Variants in CTDSPL2 observed in about 807,000 individuals in gnomAD.
The protein encoded by CTDSPL2 is CTD small phosphatase-like protein 2.
A neutral mutation model predicts 60.0 loss-of-function variants in CTDSPL2; 5 were observed. That is an observed-to-expected ratio of 0.08 (90% CI 0.04 to 0.18). The LOEUF is 0.18. Among genes scored for constraint, CTDSPL2 ranks in the 10% least tolerant of loss-of-function variants. CTDSPL2 has a pLI of 1.00. For synonymous variants in CTDSPL2, 186 were observed against 189.3 expected, an observed-to-expected ratio of 0.98 and a Z score of 0.14; for missense variants, 370 against 548.8, an observed-to-expected ratio of 0.67 and a Z score of 3.26.
chr15:44,505,340 G>A (rs564954575), intron 8 of CTDSPL2, among the ~76,000 whole-genome samples: 3 of 152,064 alleles, frequency 2.0e-5, no homozygotes, highest in Non-Finnish European at 2.9e-5. Context: ...GAAGATCACC[G>A]GAACCCCGAG....
At chr15:44,487,592 A>G (rs1426330325) in intron 4 of CTDSPL2, among the ~76,000 whole-genome samples, 3 of 152,260 alleles carry the variant, frequency 2.0e-5, no homozygotes, top group Non-Finnish European at 4.4e-5. Context: ...TAGAAGGAGC[A>G]GCATGCGTAG....
intron 1 of CTDSPL2, among the ~76,000 whole-genome samples, chr15:44,435,500 C>T (rs1286194038): frequency 1.3e-5 from 2 of 149,402 alleles, no homozygotes; most frequent in East Asian, 2.0e-4. Context: ...ACCCTGGAGG[C>T]GGAGGTTGCA....
chr15:44,487,760 G>C (rs1484423342), intron 4 of CTDSPL2, among the ~76,000 whole-genome samples: 2 of 152,192 alleles, frequency 1.3e-5, no homozygotes, highest in Non-Finnish European at 2.9e-5. Flanking sequence ...TCAAGTATGG[G>C]ATAATTGAAA....
chr15:44,496,812 G>C (rs2081308644), intron 6 of CTDSPL2, among the ~76,000 whole-genome samples: 1 of 152,126 alleles, frequency 6.6e-6, no homozygotes, highest in South Asian at 2.1e-4. Context: ...AGTGACCTGT[G>C]ATAGAGTGAG....
At chr15:44,449,234 A>T (rs1000920972) in intron 1 of CTDSPL2, 1 of 264,084 alleles carries the variant, frequency 3.8e-6, no homozygotes, top group East Asian at 1.1e-4. Context: ...CACTATCAGG[A>T]TCTTTCACTT....
chr15:44,528,394 T>C lies in CTDSPL2; in HGVS notation c.*4220T>C, dbSNP rs1567111623. 1 of 151,764 alleles carries C rather than the reference T, an allele frequency of 6.6e-6. No homozygotes were observed. Among genetic ancestry groups the C allele is most frequent in the Non-Finnish European group, 1.5e-5 (1 of 67,938 alleles). The allele number at this position is 151,764 out of a possible 1,614,324, so 9.4% of individuals were successfully genotyped here. A position where few individuals can be genotyped will look rare whatever the true frequency, so the allele number is the denominator to read the frequency against. ...TTTTGTTTTGTTTTTTCTTTAAAGC[T>C]CTCCTGGTGATTCTAATAGCCAGTA... On this transcript the variant is annotated 3_prime_UTR_variant, in exon 13 of 13. Transcript: ENST00000260327.
intron 8 of CTDSPL2, among the ~76,000 whole-genome samples, chr15:44,501,699 T>TAG (rs1343310583): frequency 3.9e-5 from 6 of 152,156 alleles, no homozygotes; most frequent in African/African-American, 1.4e-4. Flanking sequence ...ACAGAGCAGG[T>TAG]AGTTTGAACC....
At chr15:44,523,066 G>A (rs891863558) in intron 12 of CTDSPL2, among the ~76,000 whole-genome samples, 1 of 151,894 alleles carries the variant, frequency 6.6e-6, no homozygotes, top group South Asian at 2.1e-4. Context: ...GCGCAATCTC[G>A]GCTCACTGCA....
At chr15:44,487,375 A>T (rs2081139482) in intron 4 of CTDSPL2, among the ~76,000 whole-genome samples, 1 of 152,180 alleles carries the variant, frequency 6.6e-6, no homozygotes. Flanking sequence ...GGAATGCTTC[A>T]ATCCAGCAGT....
At chr15:44,506,106 C>G (rs1220547499) in intron 8 of CTDSPL2, among the ~76,000 whole-genome samples, 4 of 148,834 alleles carry the variant, frequency 2.7e-5, no homozygotes, top group Non-Finnish European at 5.9e-5. Flanking sequence ...CTTGGCTCAC[C>G]ACAATCTCTG....
At position 44,524,186 on chromosome 15, in the gene CTDSPL2, T is replaced by C; in HGVS notation, c.*12T>C. The C allele has an allele frequency of 6.2e-7, 1 of 1,604,328 alleles. No individual in the cohort carries two copies. The highest frequency in any genetic ancestry group is 1.7e-4 in the Middle Eastern group (1 of 5,990). ...TGCCCCCAGATTAAGTACAAAGACT[T>C]GTCAAATCACTGAAGGGGGAGAGAA... is the stretch of plus-strand genomic sequence containing the variant. On this transcript the variant is annotated 3_prime_UTR_variant, in exon 13 of 13. Transcript: ENST00000260327.
At chr15:44,504,266 C>T (rs1411089263) in intron 8 of CTDSPL2, among the ~76,000 whole-genome samples, 5 of 152,094 alleles carry the variant, frequency 3.3e-5, no homozygotes, top group Non-Finnish European at 7.4e-5. Context: ...AGGAAAATCA[C>T]TTGAACCCAG....
At chr15:44,514,991 T>C in intron 10 of CTDSPL2, 147 bp downstream of exon 10, 1 of 525,346 alleles carries the variant, frequency 1.9e-6, no homozygotes, top group Non-Finnish European at 3.4e-6. Context: ...CTAAACTCTT[T>C]AAAAGAGTTC....
intron 1 of CTDSPL2, among the ~76,000 whole-genome samples, chr15:44,455,921 C>G: frequency 7.4e-6 from 1 of 134,938 alleles, no homozygotes. Flanking sequence ...ACAATCTCGG[C>G]TCACTGCAGG....
chr15:44,482,494 G>C (rs1405106375), intron 2 of CTDSPL2, among the ~76,000 whole-genome samples: 1 of 152,202 alleles, frequency 6.6e-6, no homozygotes, highest in East Asian at 1.9e-4. Context: ...TTCAGGGGGA[G>C]GCTAGGACTT....
In CTDSPL2 at chr15:44,506,818, A is replaced by G. The variant is rs542809379; in HGVS notation, c.969+7005A>G. ...GTCTCGCTCTGTCGCCCAGGCTGGA[A>G]TGCAGTGGCACAATCTTGGCTCACT... On this transcript the variant is annotated intron_variant, in intron 8 of 12. Transcript: ENST00000260327. Among the ~76,000 whole-genome samples the G allele has an allele frequency of 2.5e-4, 37 of 150,836 alleles. No individual in the cohort carries two copies. In the South Asian group the frequency reaches 6.7e-3, roughly 27 times the overall value.
chr15:44,519,082 A>G, intron 10 of CTDSPL2, 87 bp from the exon 11 acceptor site: 1 of 830,090 alleles, frequency 1.2e-6, no homozygotes, highest in African/African-American at 1.8e-5. Flanking sequence ...GGCTTAAACT[A>G]TAAAGCCTAT....
intron 1 of CTDSPL2, among the ~76,000 whole-genome samples, chr15:44,428,448 A>G (rs766121690): frequency 6.6e-6 from 1 of 152,168 alleles, no homozygotes. Flanking sequence ...TTACTTTTGC[A>G]TTCTTGACCA....
chr15:44,446,019 G>A (rs1239772916), intron 1 of CTDSPL2, among the ~76,000 whole-genome samples: 2 of 137,424 alleles, frequency 1.5e-5, no homozygotes, highest in South Asian at 5.0e-4. Context: ...TCCACCTCCC[G>A]GGTGCAAGCG....
Sources: gnomAD v4.1 joint callset for allele counts (sites outside exome capture counted in the v4.1 genomes callset) on GRCh38, gnomAD v4.1.1 for gene constraint, MANE v1.5 for transcripts, NCBI Gene and HGNC (gene_info 2026-07-23, HGNC 2026-07-21) for gene names.